Variants in MERTK observed in about 807,000 individuals in gnomAD.
MERTK encodes the protein tyrosine-protein kinase Mer.
A neutral mutation model predicts 99.3 loss-of-function variants in MERTK; 69 were observed. The observed-to-expected ratio is 0.70, with a 90% CI of 0.57 to 0.85. The LOEUF is 0.85. MERTK is among the 40% of genes least tolerant of loss of function. MERTK has a pLI of 0.00. For synonymous variants in MERTK, 426 were observed against 467.6 expected (o/e 0.91, Z 1.15); for missense variants, 1,125 against 1,249.4 (o/e 0.90, Z 1.50).
chr2:112,019,354 T>A, intron 15 of MERTK, 59 bp from the exon 16 acceptor site: 1 of 1,283,396 alleles, frequency 7.8e-7, no homozygotes, highest in Non-Finnish European at 1.1e-6. Context: ...CGGCAGAAAC[T>A]GCTTGCAAGT....
At chr2:111,990,025 C>T (rs1676582782) in intron 8 of MERTK, among the ~76,000 whole-genome samples, 1 of 152,134 alleles carries the variant, frequency 6.6e-6, no homozygotes, top group Non-Finnish European at 1.5e-5. Context: ...AGAGAAATGT[C>T]CCCAACTTAT....
chr2:112,004,138 C>G (rs1676932569), intron 13 of MERTK, among the ~76,000 whole-genome samples, 154 bp downstream of exon 13: 1 of 152,178 alleles, frequency 6.6e-6, no homozygotes, highest in South Asian at 2.1e-4. Context: ...TTAATGAGCT[C>G]TTCATGCATG....
intron 8 of MERTK, among the ~76,000 whole-genome samples, chr2:111,985,709 T>C (rs1676465973): frequency 6.6e-6 from 1 of 152,084 alleles, no homozygotes; most frequent in Admixed American, 6.6e-5. Flanking sequence ...CTCCCCTTTA[T>C]AAAACCATAG....
At chr2:112,009,807 G>GTT (rs1677057464) in intron 14 of MERTK, 141 bp from the exon 15 acceptor site, 2 of 736,924 alleles carry the variant, frequency 2.7e-6, no homozygotes, top group African/African-American at 1.7e-5. Context: ...TTCTAGAACA[G>GTT]AGTGTGAGTT....
Position 111,968,138 on chromosome 2 carries a change from A to T in MERTK, c.846A>T (p.Ala282=). ...VSKGVQINIK[A]IPSPPTEVSI... is the part of the protein sequence containing the mutation. ...GTGTGTGTGTTTTGTTTTATGCAGC[A>T]ATTCCCTCCCCACCAACTGAAGTCA... Residue 282 remains alanine (A), a splice_region_variant and synonymous_variant, in exon 6 of 19, where the codon GCA becomes GCT. Coordinates refer to ENST00000295408, the MANE Select transcript of MERTK (RefSeq NM_006343.3). The T allele has an allele frequency of 3.7e-6, 6 of 1,607,338 alleles. No individual in the cohort carries two copies. Among genetic ancestry groups the T allele is most frequent in the South Asian group, 1.1e-5 (1 of 90,914 alleles).
At chr2:112,022,526 G>GTCTGTGGGTTCCACCCCTCT in intron 18 of MERTK, 132 bp downstream of exon 18, 1 of 1,355,464 alleles carries the variant, frequency 7.4e-7, no homozygotes, top group Non-Finnish European at 1.1e-6. Flanking sequence ...GCAGAGGGGT[G>GTCTGTGGGTTCCACCCCTCT]GAACCCACAG....
chr2:112,029,071 A>G lies in MERTK; in HGVS notation c.*207A>G. Reference sequence around the variant, plus strand: ...GAGAAAAAATATGTGTATATCATGGAAAAAGACAAGGATATTTTAATAAAA... The same window carrying G: ...GAGAAAAAATATGTGTATATCATGGGAAAAGACAAGGATATTTTAATAAAA... On this transcript the variant is annotated 3_prime_UTR_variant, in exon 19 of 19. Transcript: ENST00000295408. 7.8e-7 allele frequency: 1 copy of G among 1,288,620 alleles called. No individual in the cohort carries two copies. Among genetic ancestry groups the G allele is most frequent in the South Asian group, 2.3e-5 (1 of 44,216 alleles). 79.8% of individuals were successfully genotyped at this position (1,288,620 alleles called of 1,614,324 possible).
chr2:111,947,635 C>G (rs543249724), intron 4 of MERTK, 68 bp downstream of exon 4: 7 of 1,570,580 alleles, frequency 4.5e-6, no homozygotes, highest in East Asian at 2.2e-5. Flanking sequence ...TTTGGCGACC[C>G]TTGCTGTGCA....
chr2:111,951,551 C>CTATAT (rs1366387369), intron 4 of MERTK, among the ~76,000 whole-genome samples: 12 of 57,242 alleles, frequency 2.1e-4, no homozygotes, highest in East Asian at 6.5e-4. Flanking sequence ...ATATATATAC[C>CTATAT]ATAATTTTTT....
intron 1 of MERTK, among the ~76,000 whole-genome samples, chr2:111,925,010 C>G (rs574980458): frequency 5.3e-5 from 8 of 151,996 alleles, no homozygotes; most frequent in African/African-American, 1.9e-4. Flanking sequence ...GTCCTAGCAC[C>G]TAACCTGGGG....
intron 6 of MERTK, among the ~76,000 whole-genome samples, chr2:111,975,075 T>C (rs1305377602): frequency 6.6e-6 from 1 of 152,178 alleles, no homozygotes; most frequent in East Asian, 1.9e-4. Flanking sequence ...TTAATTGTTA[T>C]TTTAGGCGTT....
chr2:112,005,667 G>A (rs1175394524), intron 13 of MERTK, among the ~76,000 whole-genome samples: 8 of 152,128 alleles, frequency 5.3e-5, no homozygotes, highest in Non-Finnish European at 1.0e-4. Context: ...TCTTCATCAT[G>A]AATCATGGAT....
At chr2:112,008,257 G>A in intron 13 of MERTK, 126 bp from the exon 14 acceptor site, 2 of 741,720 alleles carry the variant, frequency 2.7e-6, no homozygotes, top group South Asian at 3.0e-5. Context: ...CCACTCATCT[G>A]TTTCCTGTCT....
intron 7 of MERTK, among the ~76,000 whole-genome samples, chr2:111,979,686 TG>T (rs1341370072): frequency 6.6e-6 from 1 of 152,200 alleles, no homozygotes; most frequent in Admixed American, 6.5e-5. Context: ...GAGATTTACT[TG>T]ATTTATCTTC....
chr2:111,905,424 T>C (rs1055467091), intron 1 of MERTK, among the ~76,000 whole-genome samples: 4 of 139,246 alleles, frequency 2.9e-5, no homozygotes, highest in Non-Finnish European at 6.1e-5. Flanking sequence ...TTGAGAAACC[T>C]ACACTGTTCT....
intron 1 of MERTK, among the ~76,000 whole-genome samples, chr2:111,920,462 A>G (rs891567110): frequency 1.3e-5 from 2 of 151,832 alleles, no homozygotes; most frequent in African/African-American, 4.8e-5. Context: ...CTCCTTTAAC[A>G]TTCTCCAAGT....
At chr2:111,900,605 T>G (rs942334038) in intron 1 of MERTK, among the ~76,000 whole-genome samples, 4 of 152,224 alleles carry the variant, frequency 2.6e-5, no homozygotes, top group Non-Finnish European at 4.4e-5. Context: ...AATAACAAAT[T>G]TTTGTAGCTG....
intron 5 of MERTK, 130 bp downstream of exon 5, chr2:111,965,407 C>A: frequency 1.2e-6 from 1 of 828,212 alleles, no homozygotes; most frequent in Non-Finnish European, 2.0e-6. Flanking sequence ...TGACCTTGGA[C>A]AACTCACTTC....
At chr2:111,957,610 C>T (rs940440849) in intron 4 of MERTK, among the ~76,000 whole-genome samples, 1 of 152,162 alleles carries the variant, frequency 6.6e-6, no homozygotes, top group African/African-American at 2.4e-5. Flanking sequence ...CCCATTTCTC[C>T]CCCTGAAAAT....
Sources: gnomAD v4.1 joint callset for allele counts (sites outside exome capture counted in the v4.1 genomes callset) on GRCh38, gnomAD v4.1.1 for gene constraint, MANE v1.5 for transcripts, NCBI Gene and HGNC (gene_info 2026-07-23, HGNC 2026-07-21) for gene names.